Variants in GRM7 observed in about 807,000 individuals in gnomAD.
GRM7 encodes metabotropic glutamate receptor 7.
In GRM7, 35 loss-of-function variants were observed where a neutral mutation model predicts 84.5. The ratio of observed to expected loss-of-function variants is 0.41; its 90% CI spans 0.32 to 0.55. The LOEUF (loss-of-function observed/expected upper bound fraction) is 0.55, where lower values mean the gene tolerates loss of function less well. Ranked by LOEUF, GRM7 falls within the 20% of genes least tolerant of loss-of-function variation. The probability of loss-of-function intolerance (pLI) is 0.19; values close to 1 mark genes in which losing one functional copy is unlikely to be tolerated. For synonymous variants in GRM7, 487 were observed against 455.1 expected (o/e 1.07, Z -0.89); for missense variants, 1,003 against 1,194.6 (o/e 0.84, Z 2.36).
chr3:7,185,890 C>A (rs1168469868), intron 2 of GRM7, among the ~76,000 whole-genome samples: 1 of 152,206 alleles, frequency 6.6e-6, no homozygotes, highest in African/African-American at 2.4e-5. Flanking sequence ...GTGGTTACAT[C>A]CATATACTTT....
chr3:7,229,078 G>T (rs1298582283), intron 2 of GRM7, among the ~76,000 whole-genome samples: 2 of 151,884 alleles, frequency 1.3e-5, no homozygotes, highest in Non-Finnish European at 2.9e-5. Flanking sequence ...TATTTCTAAT[G>T]TCCATTGTGA....
intron 2 of GRM7, among the ~76,000 whole-genome samples, chr3:7,201,009 G>A (rs746644213): frequency 2.9e-4 from 34 of 119,012 alleles, no homozygotes; most frequent in African/African-American, 9.4e-4. Context: ...TCACTCTGTC[G>A]CCCAGGCTGG....
chr3:7,011,320 A>G (rs1334931815), intron 1 of GRM7, among the ~76,000 whole-genome samples: 1 of 152,222 alleles, frequency 6.6e-6, no homozygotes, highest in Non-Finnish European at 1.5e-5. Context: ...CTCTGTAAAT[A>G]AAAGAAAATA....
rs77872965 is a variant in GRM7, at chr3:7,151,652, A to G, written c.736+4984A>G. 4.0e-3 allele frequency among the ~76,000 whole-genome samples: 615 copies of G among 152,250 alleles called. No individual in the cohort carries two copies. Among genetic ancestry groups the G allele is most frequent in the Non-Finnish European group, 6.9e-3 (472 of 68,022 alleles). ...AGTACATAGAAAGCAGTCAATCATT[A>G]TTTCTTAACAGAAGGAAGAATTGTG... On this transcript the variant is annotated intron_variant, in intron 2 of 9. Transcript: ENST00000357716. This position sits in a 1 kb window ranked among gnomAD's most constrained non-coding sequence, Gnocchi z 4.5.
chr3:7,021,731 T>C lies in GRM7; in HGVS notation c.520-124721T>C, dbSNP rs142038668. Among the ~76,000 whole-genome samples, 104 of 152,356 alleles carry C rather than the reference T, an allele frequency of 6.8e-4. 1 individual carries two copies. The East Asian group carries it at 0.019, about 28-fold the overall frequency. ...CCATTTATTGATGAATTATTAATGA[T>C]CTTGTATATAAATTAGAAATATTCA... On this transcript the variant is annotated intron_variant, in intron 1 of 9. Coordinates refer to ENST00000357716, the MANE Select transcript of GRM7 (RefSeq NM_000844.4).
chr3:6,946,719 A>G (rs566854439), intron 1 of GRM7, among the ~76,000 whole-genome samples: 1 of 152,166 alleles, frequency 6.6e-6, no homozygotes, highest in South Asian at 2.1e-4. Context: ...ATTTGTTTAT[A>G]TCCTCTTTTA....
At chr3:7,701,298 A>ATT (rs35986412) in intron 9 of GRM7, among the ~76,000 whole-genome samples, 5,741 of 120,424 alleles carry the variant, frequency 0.048, 369 homozygotes, top group African/African-American at 0.11. Flanking sequence ...CTGTGGTTGC[A>ATT]TTTTTTTTTT....
chr3:7,039,768 G>A (rs1433584877), intron 1 of GRM7, among the ~76,000 whole-genome samples: 1 of 152,050 alleles, frequency 6.6e-6, no homozygotes, highest in African/African-American at 2.4e-5. Flanking sequence ...TTCCACCAGC[G>A]ATGGATTTGA....
chr3:7,559,082 C>A (rs1693894302), intron 7 of GRM7: 2 of 149,550 alleles, frequency 1.3e-5, no homozygotes, highest in Non-Finnish European at 3.0e-5. Context: ...TGCAGGTTGG[C>A]AAGAAAGATT....
intron 8 of GRM7, among the ~76,000 whole-genome samples, chr3:7,620,976 A>T (rs1697330042): frequency 6.6e-6 from 1 of 152,112 alleles, no homozygotes; most frequent in African/African-American, 2.4e-5. Context: ...GGAGGGGGTG[A>T]ATAATTAATT....
At chr3:7,156,526 A>G (rs1282065885) in intron 2 of GRM7, among the ~76,000 whole-genome samples, 1 of 152,138 alleles carries the variant, frequency 6.6e-6, no homozygotes. Context: ...TTTGACTGAT[A>G]ATTATTATTT....
In GRM7 at chr3:7,670,011, C is replaced by A. The variant is rs138577332; in HGVS notation, c.2452-10038C>A. Among the ~76,000 whole-genome samples the A allele has an allele frequency of 1.2e-3, 170 of 147,134 alleles. 10 individuals are homozygous for A. Among genetic ancestry groups the A allele is most frequent in the African/African-American group, 4.5e-3 (164 of 36,672 alleles). The stretch of plus-strand genomic sequence containing the variant: ...ATGAGGGGTTTTGAGTGCACAGTCA[C>A]CCCAATGGGCAATTCAACTAGCCTA... On this transcript the variant is annotated intron_variant, in intron 8 of 9. Transcript: ENST00000357716.
chr3:7,435,648 G>T (rs1338798959), intron 5 of GRM7, among the ~76,000 whole-genome samples: 1 of 147,160 alleles, frequency 6.8e-6, no homozygotes, highest in African/African-American at 2.5e-5. Context: ...GAGTAGCTAG[G>T]ATTACAGGCC....
intron 7 of GRM7, among the ~76,000 whole-genome samples, chr3:7,529,913 T>C (rs1469055994): frequency 8.0e-5 from 1 of 12,482 alleles, no homozygotes; most frequent in Non-Finnish European, 1.5e-4. Context: ...GGACCTTTTC[T>C]TTTTTTTTTT....
chr3:7,142,286 T>C (rs898663197), intron 1 of GRM7, among the ~76,000 whole-genome samples: 9 of 152,066 alleles, frequency 5.9e-5, no homozygotes, highest in African/African-American at 2.2e-4. Flanking sequence ...ATATGTGTAG[T>C]AGTCTGCTTT....
chr3:6,905,441 GCCA>G (rs1696540589), intron 1 of GRM7, among the ~76,000 whole-genome samples: 1 of 152,026 alleles, frequency 6.6e-6, no homozygotes, highest in African/African-American at 2.4e-5. Flanking sequence ...CTTTTGTCTA[GCCA>G]CCATGTTAAG....
intron 1 of GRM7, among the ~76,000 whole-genome samples, chr3:6,975,842 T>A (rs1693970459): frequency 6.6e-6 from 1 of 152,180 alleles, no homozygotes; most frequent in Admixed American, 6.5e-5. Context: ...GTGCCTCTTA[T>A]TATTTAATTA....
chr3:7,178,033 T>C lies in GRM7; in HGVS notation c.736+31365T>C, dbSNP rs531361388. ...GCTTTTGCTCAGATTTGTTGATTAA[T>C]TGACTTTTGTATCAGCAGATGACTC... On this transcript the variant is annotated intron_variant, in intron 2 of 9. Transcript: ENST00000357716. Among the ~76,000 whole-genome samples, 46 of 152,368 alleles carry C rather than the reference T, an allele frequency of 3.0e-4. No homozygotes were observed. The Middle Eastern group carries it at 0.01, about 34-fold the overall frequency.
intron 1 of GRM7, among the ~76,000 whole-genome samples, chr3:7,079,145 C>T (rs933824289): frequency 2.0e-5 from 3 of 151,960 alleles, no homozygotes; most frequent in Non-Finnish European, 4.4e-5. Context: ...AAGCAATGGC[C>T]CAGACCCCCA....
Sources: allele counts gnomAD v4.1 joint callset (sites outside exome capture counted in the v4.1 genomes callset), GRCh38; gene constraint gnomAD v4.1.1; non-coding constraint Gnocchi (gnomAD v3.1); transcripts MANE v1.5; gene names NCBI Gene and HGNC (gene_info 2026-07-23, HGNC 2026-07-21).